LRRC63: variants seen among roughly 807,000 people sequenced by gnomAD.
The protein encoded by LRRC63 is leucine-rich repeat-containing protein 63.
In LRRC63, 40 loss-of-function variants were observed where a neutral mutation model predicts 49.5. The observed-to-expected ratio is 0.81, with a 90% CI of 0.63 to 1.05. LRRC63 has a LOEUF of 1.05. Among genes scored for constraint, LRRC63 ranks in the 50% least tolerant of loss-of-function variants. The pLI, the probability that LRRC63 is intolerant of heterozygous loss-of-function variation, is 0.00. For missense variants in LRRC63, 636 were observed against 663.1 expected, an observed-to-expected ratio of 0.96 and a Z score of 0.45; for synonymous variants, 191 against 221.1, an observed-to-expected ratio of 0.86 and a Z score of 1.21.
intron 7 of LRRC63, among the ~76,000 whole-genome samples, chr13:46,251,575 G>A (rs1317706331): frequency 3.3e-5 from 5 of 151,718 alleles, no homozygotes; most frequent in African/African-American, 9.7e-5. Context: ...TGGGTGTTGG[G>A]TATCCTCATC....
intron 2 of LRRC63, among the ~76,000 whole-genome samples, chr13:46,226,040 G>A (rs2046564722): frequency 6.6e-6 from 1 of 151,426 alleles, no homozygotes; most frequent in Admixed American, 6.6e-5. Context: ...TTGAAGTGCA[G>A]TGGTACAATC....
At chr13:46,242,816 C>A (rs2047102885) in intron 5 of LRRC63, among the ~76,000 whole-genome samples, 1 of 150,762 alleles carries the variant, frequency 6.6e-6, no homozygotes, top group Admixed American at 6.6e-5. Flanking sequence ...ATTAAAGTGT[C>A]TCTTCAAACA....
chr13:46,264,625 C>T (rs147763183), intron 8 of LRRC63, among the ~76,000 whole-genome samples: 1 of 107,640 alleles, frequency 9.3e-6, no homozygotes, highest in African/African-American at 3.7e-5. Flanking sequence ...TTCCCCACCC[C>T]CCTCCCCAAC....
intron 9 of LRRC63, among the ~76,000 whole-genome samples, chr13:46,269,915 A>ATATATATATG (rs1419466911): frequency 1.3e-5 from 2 of 149,662 alleles, no homozygotes; most frequent in Non-Finnish European, 3.0e-5. Flanking sequence ...ACATATATAT[A>ATATATATATG]TATATAGTAG....
intron 8 of LRRC63, among the ~76,000 whole-genome samples, chr13:46,265,411 T>TA (rs1470120470): frequency 6.6e-6 from 1 of 152,142 alleles, no homozygotes; most frequent in Non-Finnish European, 1.5e-5. Flanking sequence ...TGGGCAGTTA[T>TA]AAAAAACAGA....
chr13:46,259,559 A>C (rs2138567626), intron 7 of LRRC63, among the ~76,000 whole-genome samples: 1 of 152,330 alleles, frequency 6.6e-6, no homozygotes, highest in East Asian at 1.9e-4. Flanking sequence ...AACAAAAAGA[A>C]CCGAACAGCC....
At chr13:46,263,840 A>G (rs760532466) in intron 8 of LRRC63, among the ~76,000 whole-genome samples, 1 of 152,208 alleles carries the variant, frequency 6.6e-6, no homozygotes, top group Non-Finnish European at 1.5e-5. Context: ...TATGTATTTC[A>G]AGACTCACTG....
intron 2 of LRRC63, among the ~76,000 whole-genome samples, chr13:46,219,231 G>A (rs1487841468): frequency 6.6e-6 from 1 of 152,168 alleles, no homozygotes; most frequent in Non-Finnish European, 1.5e-5. Flanking sequence ...GTCAGTTTCA[G>A]GTACACCAAT....
chr13:46,243,828 T>G (rs1054298622), intron 5 of LRRC63, among the ~76,000 whole-genome samples: 2 of 152,212 alleles, frequency 1.3e-5, no homozygotes, highest in Non-Finnish European at 2.9e-5. Context: ...ATTTCTGCCT[T>G]AAGACTGTGT....
intron 4 of LRRC63, among the ~76,000 whole-genome samples, chr13:46,229,212 G>T (rs2046670779): frequency 6.6e-6 from 1 of 152,116 alleles, no homozygotes; most frequent in Non-Finnish European, 1.5e-5. Flanking sequence ...ATATCCACAG[G>T]ATTATTTGGT....
intron 7 of LRRC63, among the ~76,000 whole-genome samples, chr13:46,259,380 T>C (rs1436089601): frequency 3.9e-5 from 6 of 152,110 alleles, no homozygotes; most frequent in East Asian, 1.9e-4. Context: ...GAAACAACTG[T>C]CACAAAGGTT....
chr13:46,261,305 A>G (rs1423034310), intron 7 of LRRC63, among the ~76,000 whole-genome samples: 1 of 152,230 alleles, frequency 6.6e-6, no homozygotes, highest in African/African-American at 2.4e-5. Context: ...GTCTTTGCAG[A>G]TGCAGTTAGT....
rs531996867 is a variant in LRRC63 at position 46,245,136 on chromosome 13, T to C, written c.991-1391T>C. The stretch of plus-strand genomic sequence containing the variant: ...AGTTTGAAAATGTTTAAAGGGTCAA[T>C]TCATCAAGAACACAGAACAATCTAA... On this transcript the variant is annotated intron_variant, in intron 5 of 9. Coordinates refer to ENST00000595396, the Ensembl canonical transcript of LRRC63. 4.6e-4 allele frequency among the ~76,000 whole-genome samples: 70 copies of C among 152,238 alleles called. No homozygotes were observed. The Middle Eastern group carries it at 0.031, about 67-fold the overall frequency.
In LRRC63 at chr13:46,248,921, A is replaced by T. The variant is rs550704713; in HGVS notation, c.1090-1434A>T. ...AATCAGTCTCAATAAATTTAAAAGG[A>T]TTGAAAAATTACAAAAGTCTATTTT... On this transcript the variant is annotated intron_variant, in intron 6 of 9. Coordinates refer to ENST00000595396, the Ensembl canonical transcript of LRRC63. 1.6e-4 allele frequency among the ~76,000 whole-genome samples: 24 copies of T among 151,978 alleles called. No homozygotes were observed. In the East Asian group the frequency reaches 4.6e-3, roughly 29 times the overall value.
At chr13:46,241,823 A>G (rs901770526) in intron 5 of LRRC63, among the ~76,000 whole-genome samples, 4 of 152,170 alleles carry the variant, frequency 2.6e-5, no homozygotes, top group African/African-American at 9.7e-5. Flanking sequence ...AAAATAACAG[A>G]TGCTGTTGAG....
intron 2 of LRRC63, among the ~76,000 whole-genome samples, chr13:46,213,706 C>T (rs1439851160): frequency 6.6e-6 from 1 of 152,132 alleles, no homozygotes; most frequent in East Asian, 1.9e-4. Flanking sequence ...GTTAACAAAT[C>T]AACTGTTTAT....
chr13:46,237,084 G>A (rs745942051), intron 5 of LRRC63, among the ~76,000 whole-genome samples: 21 of 152,022 alleles, frequency 1.4e-4, no homozygotes, highest in Admixed American at 3.3e-4. Context: ...GAATTAATGT[G>A]GCACACTACA....
intron 5 of LRRC63, 61 bp from the exon 6 acceptor site, chr13:46,246,466 G>T: frequency 1.3e-6 from 1 of 745,628 alleles, no homozygotes. Flanking sequence ...TTTTACTCTT[G>T]TATAAACTAT....
chr13:46,239,837 T>C (rs2047004025), intron 5 of LRRC63, among the ~76,000 whole-genome samples: 2 of 152,170 alleles, frequency 1.3e-5, no homozygotes, highest in Admixed American at 6.5e-5. Flanking sequence ...GGATGCAAGA[T>C]TGGTTCAACA....
Sources: gnomAD v4.1 joint callset for allele counts (sites outside exome capture counted in the v4.1 genomes callset) on GRCh38, gnomAD v4.1.1 for gene constraint, MANE v1.5 for transcripts, NCBI Gene and HGNC (gene_info 2026-07-23, HGNC 2026-07-21) for gene names.